The following DCDC2 variants were observed in gnomAD, a reference collection of about 807,000 sequenced individuals.
DCDC2 encodes doublecortin domain-containing protein 2.
DCDC2 carries 40 observed loss-of-function variants against 50.2 expected under a neutral mutation model. The observed-to-expected ratio is 0.80, with a 90% CI of 0.62 to 1.04. The LOEUF is 1.04. Among genes scored for constraint, DCDC2 ranks in the 50% least tolerant of loss-of-function variants. The pLI is 0.00. For missense variants in DCDC2, 570 were observed against 581.9 expected (o/e 0.98, Z 0.21); for synonymous variants, 234 against 210.6 (o/e 1.11, Z -0.96).
At chr6:24,321,424 C>A (rs1759772052) in intron 2 of DCDC2, among the ~76,000 whole-genome samples, 1 of 152,160 alleles carries the variant, frequency 6.6e-6, no homozygotes, top group African/African-American at 2.4e-5. Flanking sequence ...CCGTAACCAA[C>A]TGATCAAAGT....
chr6:24,234,717 G>A (rs1171668670), intron 7 of DCDC2, among the ~76,000 whole-genome samples: 1 of 152,158 alleles, frequency 6.6e-6, no homozygotes, highest in African/African-American at 2.4e-5. Context: ...GATATCAAGC[G>A]ATATAGACAG....
intron 1 of DCDC2, 88 bp downstream of exon 1, chr6:24,357,370 T>TG: frequency 7.0e-7 from 1 of 1,419,428 alleles, no homozygotes; most frequent in Non-Finnish European, 9.4e-7. Flanking sequence ...ACCACTGAGG[T>TG]GTGGGGGGGT....
At chr6:24,246,467 CT>C (rs1218009016) in intron 7 of DCDC2, among the ~76,000 whole-genome samples, 3 of 82,598 alleles carry the variant, frequency 3.6e-5, no homozygotes, top group African/African-American at 4.1e-5. Context: ...AAAGACAAGT[CT>C]TTTTCTTTTT....
At chr6:24,354,092 C>T (rs1298700522) in intron 1 of DCDC2, among the ~76,000 whole-genome samples, 2 of 152,162 alleles carry the variant, frequency 1.3e-5, no homozygotes, top group Non-Finnish European at 2.9e-5. Flanking sequence ...TACAAAAACA[C>T]TCACTCATGT....
intron 7 of DCDC2, among the ~76,000 whole-genome samples, chr6:24,221,704 T>A (rs1039577621): frequency 6.6e-6 from 1 of 152,238 alleles, no homozygotes; most frequent in Non-Finnish European, 1.5e-5. Flanking sequence ...CAATTACCTG[T>A]GAAGTGGATA....
chr6:24,176,254 C>A (rs1443431432), intron 9 of DCDC2, among the ~76,000 whole-genome samples: 2 of 151,988 alleles, frequency 1.3e-5, no homozygotes, highest in Non-Finnish European at 2.9e-5. Context: ...TGTGATCACG[C>A]CACTGAACTC....
At chr6:24,205,901 T>C (rs1343930501) in intron 7 of DCDC2, among the ~76,000 whole-genome samples, 1 of 152,200 alleles carries the variant, frequency 6.6e-6, no homozygotes, top group Non-Finnish European at 1.5e-5. Context: ...CTTTGGCCAT[T>C]CTCACAGATG....
chr6:24,195,976 C>T (rs1274941952), intron 8 of DCDC2, among the ~76,000 whole-genome samples: 1 of 152,156 alleles, frequency 6.6e-6, no homozygotes, highest in East Asian at 1.9e-4. Flanking sequence ...CCAATTTGCA[C>T]AAGATACTTA....
At position 24,174,029 on chromosome 6, in the gene DCDC2, C is replaced by T. The variant is rs532574512; in HGVS notation, c.*701G>A. 15 of 152,272 alleles carry T rather than the reference C, an allele frequency of 9.9e-5. No homozygotes were observed. In the East Asian group the frequency reaches 2.5e-3, roughly 26 times the overall value. 9.4% of individuals were successfully genotyped at this position (152,272 alleles called of 1,614,324 possible). A position where few individuals can be genotyped will look rare whatever the true frequency, so the allele number is the denominator to read the frequency against. On this transcript the variant is annotated 3_prime_UTR_variant, in exon 10 of 10. Transcript: ENST00000378454. Reference sequence around the variant, plus strand: ...CCAGGCTTTATAATATAACTGGGTGCTCCTTTACAATTCCTTCCTGAGTGT... The same window carrying T: ...CCAGGCTTTATAATATAACTGGGTGTTCCTTTACAATTCCTTCCTGAGTGT...
intron 8 of DCDC2, among the ~76,000 whole-genome samples, chr6:24,182,707 T>C (rs1761105727): frequency 1.3e-5 from 2 of 149,392 alleles, no homozygotes; most frequent in South Asian, 4.2e-4. Flanking sequence ...TTTTGGGGGA[T>C]GCAAAATGCT....
chr6:24,351,863 T>C (rs1581666483), intron 2 of DCDC2, among the ~76,000 whole-genome samples: 1 of 152,316 alleles, frequency 6.6e-6, no homozygotes, highest in East Asian at 1.9e-4. Context: ...CCCAGCACTT[T>C]GGGAGGCCAA....
chr6:24,216,069 T>C (rs558242039), intron 7 of DCDC2, among the ~76,000 whole-genome samples: 3 of 152,248 alleles, frequency 2.0e-5, no homozygotes, highest in Non-Finnish European at 4.4e-5. Flanking sequence ...TTTTGATATA[T>C]TGGTTTGGGC....
chr6:24,203,586 C>A (rs11961089), intron 8 of DCDC2, among the ~76,000 whole-genome samples: 1,809 of 152,214 alleles, frequency 0.012, 39 homozygotes, highest in African/African-American at 0.041. Context: ...GAAAAGACTT[C>A]ATATGAATAA....
chr6:24,294,052 A>G (rs1763809610), intron 4 of DCDC2, among the ~76,000 whole-genome samples: 1 of 152,180 alleles, frequency 6.6e-6, no homozygotes, highest in South Asian at 2.1e-4. Context: ...AATTTATAGC[A>G]CTAAATGCCC....
chr6:24,296,702 A>G (rs927473552), intron 4 of DCDC2, among the ~76,000 whole-genome samples: 3 of 152,264 alleles, frequency 2.0e-5, no homozygotes, highest in African/African-American at 7.2e-5. Flanking sequence ...GCCAACAAGC[A>G]TATGAAAAAG....
At chr6:24,232,320 C>T (rs978686837) in intron 7 of DCDC2, among the ~76,000 whole-genome samples, 4 of 152,164 alleles carry the variant, frequency 2.6e-5, no homozygotes, top group Non-Finnish European at 4.4e-5. Flanking sequence ...AAAGTTTATA[C>T]ATCCCCTACA....
At chr6:24,368,484 A>G in the DCDC2 span, among the ~76,000 whole-genome samples, 2 of 152,212 alleles carry the variant, frequency 1.3e-5, no homozygotes, top group Admixed American at 1.3e-4. Flanking sequence ...AAGAAAAGAC[A>G]ATTCAATTAA....
At chr6:24,269,103 A>G (rs1763185136) in intron 7 of DCDC2, among the ~76,000 whole-genome samples, 1 of 152,230 alleles carries the variant, frequency 6.6e-6, no homozygotes, top group South Asian at 2.1e-4. Flanking sequence ...ATAGAGAAGA[A>G]TAAAAATAGA....
intron 2 of DCDC2, among the ~76,000 whole-genome samples, chr6:24,336,416 C>G (rs793704): frequency 0.47 from 71,343 of 151,976 alleles, 18,781 homozygotes; most frequent in Admixed American, 0.57. Context: ...TTATGCAAAC[C>G]CTAAACATGT....
Sources: allele counts gnomAD v4.1 joint callset (sites outside exome capture counted in the v4.1 genomes callset), GRCh38; gene constraint gnomAD v4.1.1; transcripts MANE v1.5; gene names NCBI Gene and HGNC (gene_info 2026-07-23, HGNC 2026-07-21).